The following FPR3 variants were observed in gnomAD, a reference collection of about 807,000 sequenced individuals.
FPR3 encodes N-formyl peptide receptor 3.
For missense variants in FPR3, 346 were observed against 443.2 expected (o/e 0.78, Z 1.97); for synonymous variants, 135 against 163.6 (o/e 0.83, Z 1.34).
chr19:51,803,077 A>T (rs2084034749), intron 1 of FPR3, among the ~76,000 whole-genome samples: 1 of 145,364 alleles, frequency 6.9e-6, no homozygotes, highest in Non-Finnish European at 1.5e-5. Flanking sequence ...TGTCACCTAG[A>T]TATTTAAGTG....
At chr19:51,797,485 G>T (rs919702775) in intron 1 of FPR3, among the ~76,000 whole-genome samples, 1 of 152,034 alleles carries the variant, frequency 6.6e-6, no homozygotes, top group Non-Finnish European at 1.5e-5. Context: ...AATTTTTTTG[G>T]TATAAAAAAT....
chr19:51,823,864 T>C lies in FPR3; in HGVS notation c.116T>C (p.Phe39Ser). ...SLLVHGVTFVFGVLGNGLVIW... is the reference protein window; with the variant it reads ...SLLVHGVTFVSGVLGNGLVIW... ...CTAGTCCACGGAGTCACCTTTGTCT[T>C]CGGGGTCCTGGGCAATGGGCTTGTG... Residue 39 changes from phenylalanine to serine, a missense_variant, in exon 2 of 2, where the codon TTC becomes TCC. Phe to Ser is a radical substitution (Grantham distance 155). Transcript: ENST00000339223. 1 of 1,614,038 alleles carries C rather than the reference T, an allele frequency of 6.2e-7. No individual in the cohort carries two copies. Among genetic ancestry groups the C allele is most frequent in the Non-Finnish European group, 8.5e-7 (1 of 1,179,968 alleles).
At chr19:51,797,999 A>C (rs545070268) in intron 1 of FPR3, among the ~76,000 whole-genome samples, 13 of 141,156 alleles carry the variant, frequency 9.2e-5, no homozygotes, top group African/African-American at 3.4e-4. Context: ...CCCCCACCTC[A>C]GCCTCCAGTC....
chr19:51,824,824 T>C lies in FPR3; in HGVS notation c.*14T>C. ...CAAGCAATGTGAGGTCGGGGATATT[T>C]TTGGGCTCTGTCTCTTTCTACCCTG... On this transcript the variant is annotated 3_prime_UTR_variant, in exon 2 of 2. Coordinates refer to ENST00000339223, the MANE Select transcript of FPR3 (RefSeq NM_002030.5). This position sits in a 1 kb window ranked among gnomAD's most constrained non-coding sequence, Gnocchi z 4.7. The C allele has an allele frequency of 1.3e-6, 2 of 1,590,802 alleles. No individual in the cohort carries two copies. Among genetic ancestry groups the C allele is most frequent in the Non-Finnish European group, 1.7e-6 (2 of 1,167,160 alleles).
intron 1 of FPR3, among the ~76,000 whole-genome samples, chr19:51,819,110 T>TGA (rs1163263168): frequency 4.1e-4 from 63 of 152,334 alleles, no homozygotes; most frequent in African/African-American, 1.4e-3. Context: ...AGGTGAGTTC[T>TGA]ACATTTAGAG....
chr19:51,816,064 TAAAA>T (rs200656360), intron 1 of FPR3, among the ~76,000 whole-genome samples: 1 of 139,116 alleles, frequency 7.2e-6, no homozygotes, highest in African/African-American at 2.6e-5. Flanking sequence ...GAGATCCTAT[TAAAA>T]AAAAAAAAAA....
intron 1 of FPR3, among the ~76,000 whole-genome samples, chr19:51,812,653 G>C (rs2084105505): frequency 6.6e-6 from 1 of 152,152 alleles, no homozygotes; most frequent in Non-Finnish European, 1.5e-5. Context: ...CACAAGCTTT[G>C]CAGACAGGAG....
At position 51,823,972 on chromosome 19, in the gene FPR3, G is replaced by C; in HGVS notation, c.224G>C (p.Ser75Thr). The C allele has an allele frequency of 6.2e-7, 1 of 1,614,024 alleles. No homozygotes were observed. The highest frequency in any genetic ancestry group is 8.5e-7 in the Non-Finnish European group (1 of 1,179,960). Residue 75 changes from serine (S) to threonine (T), a missense_variant, in exon 2 of 2, where the codon AGT (serine) becomes ACT (threonine). Physicochemically the swap from Ser to Thr is moderately conservative, Grantham distance 58. Coordinates refer to ENST00000339223, the MANE Select transcript of FPR3 (RefSeq NM_002030.5). ...CTGGCCCTAGCTGACTTCTCTTTCA[G>C]TGCCATCCTACCATTCCGAATGGTC... is the stretch of plus-strand genomic sequence containing the variant. ...LNLALADFSFSAILPFRMVSV... is the reference protein window; with the variant it reads ...LNLALADFSFTAILPFRMVSV...
chr19:51,804,840 C>T (rs2084047149), intron 1 of FPR3: 1 of 152,140 alleles, frequency 6.6e-6, no homozygotes, highest in African/African-American at 2.4e-5. Flanking sequence ...CCGGGGGCAC[C>T]TTGCCTCTAG....
At chr19:51,822,633 C>G (rs116535898) in intron 1 of FPR3, among the ~76,000 whole-genome samples, 4 of 152,214 alleles carry the variant, frequency 2.6e-5, no homozygotes, top group Non-Finnish European at 5.9e-5. Context: ...AGCTACTATG[C>G]AGACCAAACT....
chr19:51,816,743 G>C (rs1350088393), intron 1 of FPR3, among the ~76,000 whole-genome samples: 1 of 152,166 alleles, frequency 6.6e-6, no homozygotes, highest in East Asian at 1.9e-4. Context: ...GTGGGAGTGA[G>C]ACCTTTAACT....
At chr19:51,820,008 A>G (rs1206100988) in intron 1 of FPR3, among the ~76,000 whole-genome samples, 2 of 152,240 alleles carry the variant, frequency 1.3e-5, no homozygotes, top group Non-Finnish European at 1.5e-5. Flanking sequence ...CTTTATTCAC[A>G]ATAGCAAGGG....
In FPR3 at chr19:51,825,468, A is replaced by G. The variant is rs1468125402; in HGVS notation, c.*658A>G. On this transcript the variant is annotated 3_prime_UTR_variant, in exon 2 of 2. Coordinates refer to ENST00000339223, the MANE Select transcript of FPR3 (RefSeq NM_002030.5). ...GGAGGGTCTTAAGACCCACAATTAG[A>G]AAGGCAAGGGAAGATTAGAGTCCTG... is the stretch of plus-strand genomic sequence containing the variant. The G allele has an allele frequency of 6.0e-6, 1 of 166,884 alleles. No homozygotes were observed. The highest frequency in any genetic ancestry group is 2.4e-5 in the African/African-American group (1 of 41,424). The allele number at this position is 166,884 out of a possible 1,614,324, so 10.3% of individuals were successfully genotyped here.
intron 1 of FPR3, among the ~76,000 whole-genome samples, chr19:51,802,050 C>G (rs754124662): frequency 6.6e-6 from 1 of 151,932 alleles, no homozygotes; most frequent in African/African-American, 2.4e-5. Flanking sequence ...GCCCCTTAGT[C>G]CCCCAGTTAA....
chr19:51,819,295 G>C (rs1333472300), intron 1 of FPR3, among the ~76,000 whole-genome samples: 4 of 152,120 alleles, frequency 2.6e-5, no homozygotes, highest in African/African-American at 9.7e-5. Flanking sequence ...AGAGCTCCTG[G>C]GGAGGCCAGT....
chr19:51,807,281 C>G (rs1191590623), intron 1 of FPR3, among the ~76,000 whole-genome samples: 2 of 152,138 alleles, frequency 1.3e-5, no homozygotes, highest in East Asian at 1.9e-4. Flanking sequence ...ATTCTTAAAA[C>G]AGTAGGCGCT....
intron 1 of FPR3, among the ~76,000 whole-genome samples, chr19:51,800,152 C>G (rs2084020130): frequency 6.6e-6 from 1 of 152,194 alleles, no homozygotes. Flanking sequence ...CCTGAGTCCC[C>G]AGGGCACCTT....
chr19:51,802,635 T>G (rs930122607), intron 1 of FPR3, among the ~76,000 whole-genome samples: 20 of 152,162 alleles, frequency 1.3e-4, no homozygotes, highest in Admixed American at 5.9e-4. Context: ...TTGTAAGGCT[T>G]GGATGAGATA....
intron 1 of FPR3, among the ~76,000 whole-genome samples, chr19:51,800,238 A>C (rs986292817): frequency 4.6e-5 from 7 of 152,188 alleles, no homozygotes; most frequent in Non-Finnish European, 1.5e-5. Context: ...TCGTTCTCCC[A>C]GCCCCTCAGA....
Sources: gnomAD v4.1 joint callset for allele counts (sites outside exome capture counted in the v4.1 genomes callset) on GRCh38, gnomAD v4.1.1 for gene constraint, Gnocchi (gnomAD v3.1) non-coding constraint, MANE v1.5 for transcripts, NCBI Gene and HGNC (gene_info 2026-07-23, HGNC 2026-07-21) for gene names.